Variants in WASF3 observed in about 807,000 individuals in gnomAD.
The protein encoded by WASF3 is actin-binding protein WASF3.
WASF3 carries 11 observed loss-of-function variants against 46.6 expected under a neutral mutation model. The ratio of observed to expected loss-of-function variants is 0.24; its 90% confidence interval spans 0.15 to 0.39. WASF3 has a LOEUF of 0.39. Ranked by LOEUF, WASF3 falls within the 10% of genes least tolerant of loss-of-function variation. The pLI, the probability that WASF3 is intolerant of heterozygous loss-of-function variation, is 1.00. For missense variants in WASF3, 576 were observed against 669.8 expected, an observed-to-expected ratio of 0.86 and a Z score of 1.55; for synonymous variants, 242 against 259.7, an observed-to-expected ratio of 0.93 and a Z score of 0.65.
At chr13:26,638,636 C>T (rs1881901252) in intron 2 of WASF3, 1 of 152,184 alleles carries the variant, frequency 6.6e-6, no homozygotes, top group South Asian at 2.1e-4. Context: ...TAATCACTGA[C>T]CCAGCATTTT....
At chr13:26,587,186 T>TA (rs929400149) in intron 1 of WASF3, among the ~76,000 whole-genome samples, 3 of 150,876 alleles carry the variant, frequency 2.0e-5, no homozygotes, top group Non-Finnish European at 4.4e-5. Context: ...TTTTTTTTTT[T>TA]GGTGGTTTGT....
At chr13:26,665,853 C>T (rs1323272582) in intron 4 of WASF3, among the ~76,000 whole-genome samples, 2 of 152,020 alleles carry the variant, frequency 1.3e-5, no homozygotes, top group Admixed American at 6.6e-5. Context: ...TTAAAAAGTA[C>T]AAAATATACC....
chr13:26,678,498 A>G (rs1484075816), intron 7 of WASF3, among the ~76,000 whole-genome samples: 1 of 152,052 alleles, frequency 6.6e-6, no homozygotes, highest in Non-Finnish European at 1.5e-5. Flanking sequence ...TTTAGAAATT[A>G]TATCCCATGT....
At chr13:26,560,506 TAAAA>T (rs565249106) in intron 1 of WASF3, among the ~76,000 whole-genome samples, 1 of 152,138 alleles carries the variant, frequency 6.6e-6, no homozygotes, top group African/African-American at 2.4e-5. Flanking sequence ...CCCTGTATGT[TAAAA>T]AAACCATTTC....
At chr13:26,621,064 G>A (rs980179929) in intron 2 of WASF3, among the ~76,000 whole-genome samples, 1 of 152,096 alleles carries the variant, frequency 6.6e-6, no homozygotes, top group Non-Finnish European at 1.5e-5. Context: ...ATAGCTTCCC[G>A]ATGCTGAGCA....
At chr13:26,544,613 T>C in the WASF3 span, among the ~76,000 whole-genome samples, 2 of 152,270 alleles carry the variant, frequency 1.3e-5, no homozygotes, top group Non-Finnish European at 2.9e-5. Flanking sequence ...TCTAATGTGA[T>C]GTCACGATAC....
chr13:26,579,007 TTTTTTTTTTG>T (rs80326931), intron 1 of WASF3, among the ~76,000 whole-genome samples: 1 of 128,184 alleles, frequency 7.8e-6, no homozygotes, highest in Non-Finnish European at 1.7e-5. Context: ...TTTTTTTTTT[TTTTTTTTTTG>T]TGGGTCAGGG....
chr13:26,585,244 A>G (rs976241585), intron 1 of WASF3, among the ~76,000 whole-genome samples: 1 of 152,166 alleles, frequency 6.6e-6, no homozygotes, highest in Admixed American at 6.5e-5. Context: ...GGAAATCCAG[A>G]TGGTATAGAA....
intron 1 of WASF3, among the ~76,000 whole-genome samples, chr13:26,602,713 A>G (rs1880677448): frequency 6.6e-6 from 1 of 152,252 alleles, no homozygotes; most frequent in Non-Finnish European, 1.5e-5. Context: ...TGTCAGGTTT[A>G]GTATTATAGA....
At chr13:26,593,068 G>A (rs1331006) in intron 1 of WASF3, among the ~76,000 whole-genome samples, 128,476 of 152,156 alleles carry the variant, frequency 0.84, 54,286 homozygotes, top group East Asian at 0.91. Context: ...AGTCCCTGCC[G>A]TGCAATATTG....
chr13:26,623,688 G>A (rs1881375771), intron 2 of WASF3, among the ~76,000 whole-genome samples: 1 of 152,164 alleles, frequency 6.6e-6, no homozygotes, highest in Admixed American at 6.5e-5. Context: ...CTGAGGTCCA[G>A]GTATATGGAT....
At chr13:26,654,773 T>G (rs993804813) in intron 3 of WASF3, among the ~76,000 whole-genome samples, 2 of 152,238 alleles carry the variant, frequency 1.3e-5, no homozygotes, top group African/African-American at 4.8e-5. Flanking sequence ...ACGGTAGCAG[T>G]AGAGTCTTTA....
intron 3 of WASF3, among the ~76,000 whole-genome samples, chr13:26,651,528 A>G (rs1882315926): frequency 6.6e-6 from 1 of 152,208 alleles, no homozygotes. Context: ...CTATAATTCT[A>G]TAGTCAGTGA....
chr13:26,573,697 T>C (rs1045235744), intron 1 of WASF3, among the ~76,000 whole-genome samples: 1 of 152,202 alleles, frequency 6.6e-6, no homozygotes, highest in Non-Finnish European at 1.5e-5. Flanking sequence ...TTTGTATATT[T>C]TACTGATATG....
chr13:26,684,336 A>G (rs902707797), intron 9 of WASF3, among the ~76,000 whole-genome samples: 36 of 152,030 alleles, frequency 2.4e-4, no homozygotes, highest in Non-Finnish European at 3.2e-4. Flanking sequence ...ATCTGTATCT[A>G]ATCTCGAGGA....
chr13:26,576,871 T>A, intron 1 of WASF3: 1 of 671,394 alleles, frequency 1.5e-6, no homozygotes, highest in Non-Finnish European at 2.5e-6. Context: ...CCCTTTTGGC[T>A]CTCTGAGCAG....
chr13:26,685,906 A>G lies in WASF3; in HGVS notation c.*61A>G, dbSNP rs1232039673. Reference sequence around the variant, plus strand: ...GTTGAAGATTTTAAGTGGTCTCTACACCCAAATAGTGGTATTCTAATCCCG... The same window carrying G: ...GTTGAAGATTTTAAGTGGTCTCTACGCCCAAATAGTGGTATTCTAATCCCG... On this transcript the variant is annotated 3_prime_UTR_variant, in exon 10 of 10. Transcript: ENST00000335327. 17 of 1,581,854 alleles carry G rather than the reference A, an allele frequency of 1.1e-5. No individual in the cohort carries two copies. The highest frequency in any genetic ancestry group is 1.3e-5 in the African/African-American group (1 of 74,340).
intron 1 of WASF3, among the ~76,000 whole-genome samples, chr13:26,602,790 AC>A (rs1880679926): frequency 6.6e-6 from 1 of 152,238 alleles, no homozygotes; most frequent in Admixed American, 6.5e-5. Context: ...TGAAAAAAAT[AC>A]CTCTGCAATG....
At chr13:26,644,644 C>T (rs1421411400) in intron 3 of WASF3, among the ~76,000 whole-genome samples, 1 of 152,136 alleles carries the variant, frequency 6.6e-6, no homozygotes, top group Non-Finnish European at 1.5e-5. Flanking sequence ...GAGTCAGATC[C>T]TTTCAGGAAG....
Sources: gnomAD v4.1 joint callset for allele counts (sites outside exome capture counted in the v4.1 genomes callset) on GRCh38, gnomAD v4.1.1 for gene constraint, MANE v1.5 for transcripts, NCBI Gene and HGNC (gene_info 2026-07-23, HGNC 2026-07-21) for gene names.